FAM114A1: variants seen among roughly 807,000 people sequenced by gnomAD.
FAM114A1 encodes the protein family with sequence similarity 114 member A1, also known as protein NOXP20.
A neutral mutation model predicts 64.3 loss-of-function variants in FAM114A1; 62 were observed. That is an observed-to-expected ratio of 0.96 (90% CI 0.79 to 1.19). FAM114A1 has a LOEUF of 1.19. Among genes scored for constraint, FAM114A1 ranks in the 50% most tolerant of loss-of-function variants. The pLI, the probability that FAM114A1 is intolerant of heterozygous loss-of-function variation, is 0.00. For synonymous variants in FAM114A1, 254 were observed against 251.1 expected (o/e 1.01, Z -0.11); for missense variants, 645 against 676.3 (o/e 0.95, Z 0.51).
At chr4:38,898,435 A>G (rs1345738180) in intron 4 of FAM114A1, among the ~76,000 whole-genome samples, 1 of 152,224 alleles carries the variant, frequency 6.6e-6, no homozygotes, top group East Asian at 1.9e-4. Flanking sequence ...AAATGATACT[A>G]CGATGAGAAA....
chr4:38,929,451 A>G (rs1307130501), intron 10 of FAM114A1, 118 bp downstream of exon 10: 2 of 751,216 alleles, frequency 2.7e-6, no homozygotes, highest in African/African-American at 3.5e-5. Flanking sequence ...TATGTGGCAT[A>G]GTGCCGGGAG....
intron 9 of FAM114A1, among the ~76,000 whole-genome samples, chr4:38,926,457 C>G (rs1165216765): frequency 6.9e-6 from 1 of 145,108 alleles, no homozygotes; most frequent in Non-Finnish European, 1.5e-5. Context: ...TCTCTCTCCC[C>G]TTTTTTTTTT....
intron 3 of FAM114A1, among the ~76,000 whole-genome samples, chr4:38,890,008 C>T (rs997002618): frequency 4.0e-5 from 6 of 151,620 alleles, no homozygotes; most frequent in African/African-American, 1.5e-4. Flanking sequence ...AGAGTGGGCA[C>T]TCGCTGTAAC....
chr4:38,880,846 A>G (rs1282337660), intron 3 of FAM114A1, among the ~76,000 whole-genome samples: 1 of 152,212 alleles, frequency 6.6e-6, no homozygotes, highest in African/African-American at 2.4e-5. Flanking sequence ...ATCCATATAC[A>G]TTCCAATTTC....
In FAM114A1 at chr4:38,905,786, A is replaced by C. The variant is rs142423470; in HGVS notation, c.582A>C (p.Ala194=). The part of the protein sequence containing the change: ...ITDAATDQGP[A]ESPPTSPSSA... Reference sequence around the variant, plus strand: ...ATGCAGCCACAGATCAGGGCCCTGCAGAAAGCCCACCCACTTCCCCTTCAT... The same window carrying C: ...ATGCAGCCACAGATCAGGGCCCTGCCGAAAGCCCACCCACTTCCCCTTCAT... The change falls in exon 6 of 15, where the codon GCA becomes GCC. Residue 194 remains alanine, a synonymous_variant. Coordinates refer to ENST00000358869, the MANE Select transcript of FAM114A1 (RefSeq NM_138389.4). 255 of 1,614,082 alleles carry C rather than the reference A, an allele frequency of 1.6e-4. No individual in the cohort carries two copies. The African/African-American group carries it at 3.1e-3, about 20-fold the overall frequency.
chr4:38,914,949 A>C lies in FAM114A1; in HGVS notation c.821A>C (p.Lys274Thr). Residue 274 changes from lysine (K) to threonine (T), a missense_variant, in exon 8 of 15, where the codon AAG (lysine) becomes ACG (threonine). Physicochemically the swap from Lys to Thr is moderately conservative, Grantham distance 78 (BLOSUM62 -1). Coordinates refer to ENST00000358869, the MANE Select transcript of FAM114A1 (RefSeq NM_138389.4). ...QMLREAKEKE[K>T]QRLAQQLTME... ...TTAAGGGAAGCTAAGGAGAAGGAGA[A>C]GCAGAGACTGGCACAGCAGCTCACG... 2 of 1,614,140 alleles carry C rather than the reference A, an allele frequency of 1.2e-6. No homozygotes were observed. Among genetic ancestry groups the C allele is most frequent in the Non-Finnish European group, 1.7e-6 (2 of 1,180,006 alleles).
At chr4:38,917,267 G>T (rs576322361) in intron 8 of FAM114A1, among the ~76,000 whole-genome samples, 1 of 152,204 alleles carries the variant, frequency 6.6e-6, no homozygotes, top group East Asian at 1.9e-4. Flanking sequence ...GAACCTGGGA[G>T]GCAGAGGTTG....
chr4:38,916,903 A>G (rs1328474986), intron 8 of FAM114A1, among the ~76,000 whole-genome samples: 4 of 152,156 alleles, frequency 2.6e-5, no homozygotes, highest in East Asian at 1.9e-4. Context: ...TCACATGACT[A>G]TTGACAACAA....
intron 4 of FAM114A1, among the ~76,000 whole-genome samples, chr4:38,901,478 G>T (rs541712851): frequency 6.6e-6 from 1 of 152,126 alleles, no homozygotes; most frequent in Non-Finnish European, 1.5e-5. Context: ...TTTTGGTAGA[G>T]GTGGGGTTTC....
intron 9 of FAM114A1, among the ~76,000 whole-genome samples, chr4:38,925,965 C>G (rs1280120559): frequency 2.6e-5 from 4 of 152,086 alleles, no homozygotes; most frequent in African/African-American, 4.8e-5. Flanking sequence ...GTGCTTGTAT[C>G]TTAATTTAGT....
At chr4:38,873,468 A>ATAC (rs1560282561) in intron 2 of FAM114A1, among the ~76,000 whole-genome samples, 1 of 152,240 alleles carries the variant, frequency 6.6e-6, no homozygotes, top group Non-Finnish European at 1.5e-5. Context: ...ACTATGTAGA[A>ATAC]TATGAATACA....
At chr4:38,934,627 T>C (rs575824972) in intron 12 of FAM114A1, among the ~76,000 whole-genome samples, 14 of 152,352 alleles carry the variant, frequency 9.2e-5, no homozygotes, top group African/African-American at 3.4e-4. Context: ...CCTACATTAC[T>C]AGGTAATCAG....
intron 3 of FAM114A1, among the ~76,000 whole-genome samples, chr4:38,886,316 A>G (rs572192312): frequency 5.2e-4 from 79 of 151,708 alleles, no homozygotes; most frequent in African/African-American, 1.7e-3. Flanking sequence ...GGATTACAGC[A>G]TGCGCCACCA....
intron 7 of FAM114A1, among the ~76,000 whole-genome samples, chr4:38,913,099 T>C (rs1442663759): frequency 6.6e-6 from 1 of 152,238 alleles, no homozygotes; most frequent in Non-Finnish European, 1.5e-5. Context: ...TATTCTTCAG[T>C]TGTCTTCCCC....
chr4:38,894,841 A>G (rs1473184588), intron 4 of FAM114A1, among the ~76,000 whole-genome samples: 1 of 152,200 alleles, frequency 6.6e-6, no homozygotes, highest in Non-Finnish European at 1.5e-5. Flanking sequence ...AACAACATGC[A>G]TTCATTATTT....
Position 38,905,547 on chromosome 4 carries a change from A to T in FAM114A1, c.462A>T (p.Glu154Asp), listed in dbSNP as rs895384993. 2.5e-6 allele frequency: 4 copies of T among 1,614,076 alleles called. No homozygotes were observed. The highest frequency in any genetic ancestry group is 3.4e-6 in the Non-Finnish European group (4 of 1,180,044). The stretch of plus-strand genomic sequence containing the variant: ...GTCATGGATTGACGGCAGTCAAGGA[A>T]AAAGCAGGAGCCACTCTACGGATTC... ...TVGHGLTAVKEKAGATLRIHG... is the reference protein window; with the variant it reads ...TVGHGLTAVKDKAGATLRIHG... Residue 154 changes from glutamate (E) to aspartate (D), a missense_variant, in exon 5 of 15, where the codon GAA becomes GAT. By Grantham distance (45) the Glu-to-Asp change is conservative. Transcript: ENST00000358869.
chr4:38,929,085 C>G, intron 9 of FAM114A1, 157 bp from the exon 10 acceptor site: 1 of 622,964 alleles, frequency 1.6e-6, no homozygotes, highest in South Asian at 1.7e-5. Context: ...GCCATGCTCA[C>G]GAATGGAAGA....
chr4:38,881,257 A>G (rs983383384), intron 3 of FAM114A1, among the ~76,000 whole-genome samples: 3 of 152,152 alleles, frequency 2.0e-5, no homozygotes, highest in Admixed American at 2.0e-4. Context: ...GTTTTGGTCA[A>G]ATGGAATGAA....
chr4:38,906,617 C>T (rs1718035329), intron 6 of FAM114A1, among the ~76,000 whole-genome samples: 1 of 152,186 alleles, frequency 6.6e-6, no homozygotes, highest in Non-Finnish European at 1.5e-5. Context: ...TCACTGCAAC[C>T]TCCGCATCCC....
Sources: gnomAD v4.1 joint callset for allele counts (sites outside exome capture counted in the v4.1 genomes callset) on GRCh38, gnomAD v4.1.1 for gene constraint, MANE v1.5 for transcripts, NCBI Gene and HGNC (gene_info 2026-07-23, HGNC 2026-07-21) for gene names.